SNX29: variants seen among roughly 807,000 people sequenced by gnomAD.
The protein encoded by SNX29 is sorting nexin 29, also known as sorting nexin-29.
A neutral mutation model predicts 102.1 loss-of-function variants in SNX29; 78 were observed. The observed-to-expected ratio is 0.76, with a 90% CI of 0.64 to 0.92. The LOEUF (loss-of-function observed/expected upper bound fraction) is 0.92, where lower values mean the gene tolerates loss of function less well. Among genes scored for constraint, SNX29 ranks in the 40% least tolerant of loss-of-function variants. The pLI is 0.00. For missense variants in SNX29, 1,280 were observed against 1,061.7 expected (o/e 1.21, Z -2.86); for synonymous variants, 580 against 414.5 (o/e 1.40, Z -4.85).
chr16:12,468,208 A>ATT (rs1555546153), intron 18 of SNX29, among the ~76,000 whole-genome samples: 2 of 107,706 alleles, frequency 1.9e-5, no homozygotes, highest in East Asian at 2.7e-4. Context: ...GGGGAGTTTT[A>ATT]CTGTTTCCCA....
chr16:12,458,872 T>C (rs781766338), intron 18 of SNX29, among the ~76,000 whole-genome samples: 1 of 152,198 alleles, frequency 6.6e-6, no homozygotes, highest in Non-Finnish European at 1.5e-5. Flanking sequence ...CCAATCAGAT[T>C]CTCTGTTGGT....
At position 12,048,397 on chromosome 16, in the gene SNX29, T is replaced by A. The variant is rs2050171499; in HGVS notation, c.525T>A (p.Ile175=). Residue 175 remains isoleucine, a synonymous_variant, in exon 7 of 21, where the codon ATT becomes ATA. Coordinates refer to ENST00000566228, the MANE Select transcript of SNX29 (RefSeq NM_032167.5). The stretch of plus-strand genomic sequence containing the variant: ...GTCTGAACTCCATACTCTTTGCGAT[T>A]AACATCGACAACAAGGATTTGAACG... ...AAGLNSILFA[I]NIDNKDLNGQ... The A allele has an allele frequency of 2.5e-6, 4 of 1,613,924 alleles. No homozygotes were observed. The highest frequency in any genetic ancestry group is 3.4e-6 in the Non-Finnish European group (4 of 1,179,858).
chr16:12,060,228 AG>A (rs2050715318), intron 8 of SNX29, among the ~76,000 whole-genome samples: 2 of 152,240 alleles, frequency 1.3e-5, no homozygotes, highest in Non-Finnish European at 2.9e-5. Context: ...AGGTATCATA[AG>A]CAATCTAGAG....
At chr16:12,561,867 T>G (rs748618703) in intron 20 of SNX29, among the ~76,000 whole-genome samples, 1 of 152,154 alleles carries the variant, frequency 6.6e-6, no homozygotes, top group Non-Finnish European at 1.5e-5. Flanking sequence ...TGGGGACTTA[T>G]GGGCTGTCTC....
chr16:12,471,058 A>G (rs2087314918), intron 18 of SNX29, among the ~76,000 whole-genome samples: 1 of 152,134 alleles, frequency 6.6e-6, no homozygotes, highest in South Asian at 2.1e-4. Context: ...GCGCCTTCAC[A>G]CTGCCGTTCT....
At position 11,996,538 on chromosome 16, in the gene SNX29, T is replaced by G. The variant is rs113207504; in HGVS notation, c.8-2759T>G. On this transcript the variant is annotated intron_variant, in intron 1 of 20. Coordinates refer to ENST00000566228, the MANE Select transcript of SNX29 (RefSeq NM_032167.5). ...TACATTTTTTCCTGATTTGTTATTA[T>G]TCTATTTTTTTCCTGCATGAATTGC... Among the ~76,000 whole-genome samples the G allele has an allele frequency of 7.7e-3, 1,168 of 152,364 alleles. 20 individuals carry two copies. The highest frequency in any genetic ancestry group is 0.027 in the African/African-American group (1,115 of 41,574).
chr16:12,284,354 G>A (rs2079527447), intron 15 of SNX29, among the ~76,000 whole-genome samples: 2 of 152,198 alleles, frequency 1.3e-5, no homozygotes, highest in Non-Finnish European at 2.9e-5. Flanking sequence ...GTTTGTTTTG[G>A]GAATGACACA....
chr16:12,402,975 G>T (rs1471692828), intron 17 of SNX29, among the ~76,000 whole-genome samples: 7 of 152,180 alleles, frequency 4.6e-5, no homozygotes, highest in Admixed American at 4.6e-4. Context: ...AATGGGCTCA[G>T]GGTCAGGGTC....
intron 15 of SNX29, among the ~76,000 whole-genome samples, chr16:12,348,916 G>A (rs1597023560): frequency 6.6e-6 from 1 of 152,198 alleles, no homozygotes; most frequent in East Asian, 1.9e-4. Context: ...TGCGCAGGGA[G>A]TGCCCCCTGA....
intron 20 of SNX29, among the ~76,000 whole-genome samples, chr16:12,552,157 A>T (rs1388937979): frequency 1.3e-5 from 2 of 152,188 alleles, no homozygotes; most frequent in Non-Finnish European, 2.9e-5. Flanking sequence ...AGTACAGCTT[A>T]ATCTACTAAT....
intron 18 of SNX29, among the ~76,000 whole-genome samples, chr16:12,460,116 A>G (rs925503274): frequency 2.6e-5 from 4 of 152,206 alleles, no homozygotes; most frequent in African/African-American, 9.7e-5. Context: ...GTGACATGCT[A>G]GTGGCCGTCC....
At chr16:12,540,955 T>G (rs970730365) in intron 20 of SNX29, among the ~76,000 whole-genome samples, 1 of 151,982 alleles carries the variant, frequency 6.6e-6, no homozygotes, top group Non-Finnish European at 1.5e-5. Flanking sequence ...AGGCTGCCTG[T>G]AGTTCAGGCT....
In SNX29 at chr16:12,571,112, A is replaced by G. The variant is rs185500939; in HGVS notation, c.*2483A>G. ...CCCGAAGCCTTCCCTTTGGAATCCC[A>G]TAGAATGTTCTGCAATGATTGGGTC... On this transcript the variant is annotated 3_prime_UTR_variant, in exon 21 of 21. Coordinates refer to ENST00000566228, the MANE Select transcript of SNX29 (RefSeq NM_032167.5). 6.4e-5 allele frequency: 15 copies of G among 232,562 alleles called. No homozygotes were observed. The East Asian group carries it at 9.1e-4, about 14-fold the overall frequency. The allele number at this position is 232,562 out of a possible 1,614,324, so 14.4% of individuals were successfully genotyped here. A position where few individuals can be genotyped will look rare whatever the true frequency, so the allele number is the denominator to read the frequency against.
intron 13 of SNX29, among the ~76,000 whole-genome samples, chr16:12,135,938 G>A (rs549683407): frequency 6.6e-6 from 1 of 152,204 alleles, no homozygotes; most frequent in Non-Finnish European, 1.5e-5. Flanking sequence ...GTGTTCCTCG[G>A]GGGGAGCCCC....
intron 18 of SNX29, chr16:12,443,512 GT>G (rs2085903834): frequency 6.5e-6 from 1 of 152,854 alleles, no homozygotes; most frequent in African/African-American, 2.4e-5. Context: ...GAGTGCAGTG[GT>G]GCTATCTTGG....
chr16:12,540,949 T>G (rs1264267673), intron 20 of SNX29, among the ~76,000 whole-genome samples: 1 of 152,006 alleles, frequency 6.6e-6, no homozygotes, highest in Non-Finnish European at 1.5e-5. Flanking sequence ...GGGGTCAGGC[T>G]GCCTGTAGTT....
intron 13 of SNX29, among the ~76,000 whole-genome samples, chr16:12,173,945 A>C (rs2076205256): frequency 6.6e-6 from 1 of 152,090 alleles, no homozygotes. Flanking sequence ...ATGCTGGGCT[A>C]ATTTTTGTAT....
intron 20 of SNX29, among the ~76,000 whole-genome samples, chr16:12,544,501 G>C (rs1163996704): frequency 2.0e-5 from 3 of 152,204 alleles, no homozygotes; most frequent in Non-Finnish European, 4.4e-5. Flanking sequence ...CTGGGGTCTA[G>C]ATGGCATTTT....
At chr16:12,068,403 A>G (rs1596760135) in intron 9 of SNX29, among the ~76,000 whole-genome samples, 1 of 150,128 alleles carries the variant, frequency 6.7e-6, no homozygotes, top group East Asian at 2.0e-4. Flanking sequence ...TGGGAGGACC[A>G]CTGGAGCCTG....
Sources: gnomAD v4.1 joint callset for allele counts (sites outside exome capture counted in the v4.1 genomes callset) on GRCh38, gnomAD v4.1.1 for gene constraint, MANE v1.5 for transcripts, NCBI Gene and HGNC (gene_info 2026-07-23, HGNC 2026-07-21) for gene names.